Variants in RFX7 observed in about 807,000 individuals in gnomAD.
RFX7 encodes the protein regulatory factor X7.
A neutral mutation model predicts 111.8 loss-of-function variants in RFX7; 26 were observed. The ratio of observed to expected loss-of-function variants is 0.23; its 90% CI spans 0.17 to 0.32. The LOEUF is 0.32. Among genes scored for constraint, RFX7 ranks in the 10% least tolerant of loss-of-function variants. The probability of loss-of-function intolerance (pLI) is 1.00; values close to 1 mark genes in which losing one functional copy is unlikely to be tolerated. For missense variants in RFX7, 1,573 were observed against 1,772.9 expected, an observed-to-expected ratio of 0.89 and a Z score of 2.02; for synonymous variants, 624 against 624.4, an observed-to-expected ratio of 1.00 and a Z score of 0.01.
At position 56,241,724 on chromosome 15, in the gene RFX7, A is replaced by G. The variant is rs1232074598; in HGVS notation, c.161+1401T>C. ...AAGAATAAAGCCTGCTTTCTGTCAC[A>G]CACACACACACACACCCCAATCATA... On this transcript the variant is annotated intron_variant, in intron 2 of 9. Transcript: ENST00000559447. Among the ~76,000 whole-genome samples the G allele has an allele frequency of 3.3e-5, 5 of 151,006 alleles. No individual in the cohort carries two copies. The East Asian group carries it at 7.8e-4, about 23-fold the overall frequency.
chr15:56,129,625 T>C (rs1466358078), intron 5 of RFX7, among the ~76,000 whole-genome samples: 1 of 152,160 alleles, frequency 6.6e-6, no homozygotes, highest in Non-Finnish European at 1.5e-5. Flanking sequence ...TAACAGGAAG[T>C]TGGAGAGCAC....
chr15:56,224,982 C>T (rs2043466585), intron 2 of RFX7, among the ~76,000 whole-genome samples: 1 of 152,020 alleles, frequency 6.6e-6, no homozygotes, highest in Non-Finnish European at 1.5e-5. Flanking sequence ...TTTGTTGATG[C>T]CTCCTTTATC....
intron 2 of RFX7, among the ~76,000 whole-genome samples, chr15:56,194,943 C>T (rs1389485479): frequency 6.6e-6 from 1 of 152,098 alleles, no homozygotes; most frequent in Non-Finnish European, 1.5e-5. Flanking sequence ...ACAAAAACCT[C>T]TACACAAATG....
intron 2 of RFX7, among the ~76,000 whole-genome samples, chr15:56,214,291 A>G (rs2043341029): frequency 1.3e-5 from 2 of 152,096 alleles, no homozygotes; most frequent in African/African-American, 4.8e-5. Context: ...AAATATTTTG[A>G]TTAAAATTTC....
intron 3 of RFX7, among the ~76,000 whole-genome samples, chr15:56,162,045 TC>T (rs2042726003): frequency 6.6e-6 from 1 of 152,124 alleles, no homozygotes; most frequent in Non-Finnish European, 1.5e-5. Flanking sequence ...ATCACACAGT[TC>T]TACTAGCAGG....
At chr15:56,207,020 C>T (rs2043260703) in intron 2 of RFX7, among the ~76,000 whole-genome samples, 1 of 152,028 alleles carries the variant, frequency 6.6e-6, no homozygotes, top group African/African-American at 2.4e-5. Flanking sequence ...CTGTATGTAA[C>T]ACAAAGGATA....
In RFX7 at chr15:56,095,171, C is replaced by G. The variant is rs1228570023; in HGVS notation, c.2557G>C (p.Asp853His). Residue 853 changes from aspartate (D) to histidine (H), a missense_variant, in exon 10 of 10, where the codon GAT (aspartate) becomes CAT (histidine). Coordinates refer to ENST00000559447, the MANE Select transcript of RFX7 (RefSeq NM_022841.7). Reference sequence around the variant, plus strand: ...AGTTCAGATTGCAGAGGTAACTGATCTGAAGAATGTGCTTGTATTTGATTT... The same window carrying G: ...AGTTCAGATTGCAGAGGTAACTGATGTGAAGAATGTGCTTGTATTTGATTT... ...SLNQIQAHSS[D>H]QLPLQSELKE... 1 of 1,613,792 alleles carries G rather than the reference C, an allele frequency of 6.2e-7. No individual in the cohort carries two copies. Among genetic ancestry groups the G allele is most frequent in the Non-Finnish European group, 8.5e-7 (1 of 1,179,852 alleles).
chr15:56,111,572 T>G (rs201333673), intron 5 of RFX7, among the ~76,000 whole-genome samples: 19,337 of 149,140 alleles, frequency 0.13, 1,598 homozygotes, highest in East Asian at 0.43. Context: ...GTTTATCTGC[T>G]GACCTTCCCT....
At position 56,144,463 on chromosome 15, in the gene RFX7, T is replaced by C. The variant is rs754616894; in HGVS notation, c.216A>G (p.Thr72=). The C allele has an allele frequency of 7.3e-7, 1 of 1,364,922 alleles. No individual in the cohort carries two copies. Among genetic ancestry groups the C allele is most frequent in the South Asian group, 1.1e-5 (1 of 87,860 alleles). The allele number at this position is 1,364,922 out of a possible 1,614,324, so 84.6% of individuals were successfully genotyped here. A position where few individuals can be genotyped will look rare whatever the true frequency, so the allele number is the denominator to read the frequency against. The part of the protein sequence containing the change: ...DCILQEVEKF[T]DLEKLYLYLQ... The stretch of plus-strand genomic sequence containing the variant: ...GGTAGAGGTAGAGTTTCTCTAGGTC[T>C]GTAAACTTCTCAACTTCTTGCTATT... The change falls in exon 4 of 10, where the codon ACA becomes ACG. Residue 72 remains threonine, a synonymous_variant. Coordinates refer to ENST00000559447, the MANE Select transcript of RFX7 (RefSeq NM_022841.7).
At chr15:56,132,769 A>T (rs528552959) in intron 5 of RFX7, among the ~76,000 whole-genome samples, 62 of 152,252 alleles carry the variant, frequency 4.1e-4, no homozygotes, top group Non-Finnish European at 8.2e-4. Context: ...GTCTTTAATA[A>T]ATGGACATGT....
chr15:56,123,530 T>C (rs111275152), intron 5 of RFX7, among the ~76,000 whole-genome samples: 5 of 152,126 alleles, frequency 3.3e-5, no homozygotes, highest in Non-Finnish European at 7.3e-5. Flanking sequence ...CTGCCTCAGG[T>C]TGAGGGAAGG....
chr15:56,138,373 CCTT>C lies in RFX7; in HGVS notation c.401+4402_401+4404del, dbSNP rs2042337097. On this transcript the variant is annotated intron_variant, in intron 5 of 9. Coordinates refer to ENST00000559447, the MANE Select transcript of RFX7 (RefSeq NM_022841.7). ...TGATCCCTTTACCATTATGAAATGG[CCTT>C]CTTTGTCTCTTTTGATCTTTGTTGG... Among the ~76,000 whole-genome samples, 8 of 150,986 alleles carry C rather than the reference CCTT, an allele frequency of 5.3e-5. No homozygotes were observed. In the South Asian group the frequency reaches 1.8e-3, roughly 33 times the overall value.
In RFX7 at chr15:56,230,599, G is replaced by A. The variant is rs141238797; in HGVS notation, c.161+12526C>T. Among the ~76,000 whole-genome samples the A allele has an allele frequency of 5.3e-4, 81 of 152,262 alleles. 1 individual carries two copies. The highest frequency in any genetic ancestry group is 1.6e-3 in the African/African-American group (68 of 41,556). ...TATTCACTAGTACCTACCACTAGGT[G>A]AAAAATAAAAAGATGCAAAATTGTT... On this transcript the variant is annotated intron_variant, in intron 2 of 9. Transcript: ENST00000559447.
chr15:56,140,264 T>C (rs1486536780), intron 5 of RFX7, among the ~76,000 whole-genome samples: 2 of 152,174 alleles, frequency 1.3e-5, no homozygotes, highest in Admixed American at 6.5e-5. Context: ...TAGCAATCAG[T>C]GAGACTCCAT....
intron 6 of RFX7, among the ~76,000 whole-genome samples, chr15:56,103,220 C>T (rs13379617): frequency 0.03 from 4,301 of 143,618 alleles, 185 homozygotes; most frequent in African/African-American, 0.094. Flanking sequence ...TCTTTCTCCA[C>T]TTTTATTCTT....
At chr15:56,112,895 GA>G (rs1306149217) in intron 5 of RFX7, among the ~76,000 whole-genome samples, 1 of 152,054 alleles carries the variant, frequency 6.6e-6, no homozygotes, top group East Asian at 1.9e-4. Flanking sequence ...ACAAAAATAT[GA>G]AAAAAATCTC....
At chr15:56,141,656 A>AATACATATATATATATAT (rs1555421060) in intron 5 of RFX7, among the ~76,000 whole-genome samples, 1 of 83,210 alleles carries the variant, frequency 1.2e-5, no homozygotes, top group Non-Finnish European at 2.2e-5. Context: ...GCTTACTCTA[A>AATACATATATATATATAT]ATATATATAT....
At chr15:56,225,416 T>C (rs1234593803) in intron 2 of RFX7, among the ~76,000 whole-genome samples, 2 of 152,188 alleles carry the variant, frequency 1.3e-5, no homozygotes, top group African/African-American at 2.4e-5. Context: ...CTCCATTGTT[T>C]ATACTGCACT....
Position 56,098,354 on chromosome 15 carries a change from A to C in RFX7, c.834T>G (p.Pro278=), listed in dbSNP as rs763718502. 1 of 1,602,798 alleles carries C rather than the reference A, an allele frequency of 6.2e-7. No homozygotes were observed. Among genetic ancestry groups the C allele is most frequent in the African/African-American group, 1.3e-5 (1 of 74,792 alleles). Reference sequence around the variant, plus strand: ...TTTCAGCTGTAGGTATAAAAGCAGAAGGCTGGGTAATTCCTTTCATTCCTG... The same window carrying C: ...TTTCAGCTGTAGGTATAAAAGCAGACGGCTGGGTAATTCCTTTCATTCCTG... ...APAGMKGITQ[P]SAFIPTAESN... The change falls in exon 9 of 10, where the codon CCT becomes CCG. Residue 278 remains proline (P), a synonymous_variant. Coordinates refer to ENST00000559447, the MANE Select transcript of RFX7 (RefSeq NM_022841.7).
Sources: gnomAD v4.1 joint callset for allele counts (sites outside exome capture counted in the v4.1 genomes callset) on GRCh38, gnomAD v4.1.1 for gene constraint, MANE v1.5 for transcripts, NCBI Gene and HGNC (gene_info 2026-07-23, HGNC 2026-07-21) for gene names.